The following CDH2 variants were observed in gnomAD, a reference collection of about 807,000 sequenced individuals.
The protein encoded by CDH2 is cadherin 2.
Under a neutral mutation model 92.0 loss-of-function variants are expected in CDH2, and 17 were observed. That is an observed-to-expected ratio of 0.18 (90% CI 0.13 to 0.28). The LOEUF is 0.28. CDH2 is among the 10% of genes least tolerant of loss of function. The pLI is 1.00. For synonymous variants in CDH2, 419 were observed against 415.9 expected (o/e 1.01, Z -0.09); for missense variants, 862 against 1,133.1 (o/e 0.76, Z 3.44).
At chr18:27,973,634 C>G (rs958670947) in intron 14 of CDH2, among the ~76,000 whole-genome samples, 1 of 152,164 alleles carries the variant, frequency 6.6e-6, no homozygotes, top group African/African-American at 2.4e-5. Flanking sequence ...CATACAATCT[C>G]CAAAAACATT....
chr18:28,089,669 T>C (rs1017473266), intron 2 of CDH2, among the ~76,000 whole-genome samples: 1 of 152,228 alleles, frequency 6.6e-6, no homozygotes, highest in Non-Finnish European at 1.5e-5. Context: ...ATATCTAATT[T>C]ATGCATTTCC....
At chr18:28,059,738 A>T (rs2014363322) in intron 2 of CDH2, among the ~76,000 whole-genome samples, 2 of 152,222 alleles carry the variant, frequency 1.3e-5, no homozygotes, top group Non-Finnish European at 2.9e-5. Context: ...ATATGCAAGC[A>T]TATTTATGTA....
At chr18:28,009,522 C>T (rs1371877721) in intron 5 of CDH2, among the ~76,000 whole-genome samples, 195 bp downstream of exon 5, 1 of 152,102 alleles carries the variant, frequency 6.6e-6, no homozygotes, top group Non-Finnish European at 1.5e-5. Flanking sequence ...GTTGTGGGCA[C>T]TATTTGTTTT....
At chr18:28,139,765 A>G (rs1167585996) in intron 2 of CDH2, among the ~76,000 whole-genome samples, 9 of 151,946 alleles carry the variant, frequency 5.9e-5, no homozygotes, top group African/African-American at 2.2e-4. Flanking sequence ...CAAAGGCTTG[A>G]TATTTAAACT....
intron 6 of CDH2, among the ~76,000 whole-genome samples, chr18:27,937,975 A>G (rs550207236): frequency 2.6e-5 from 4 of 152,222 alleles, no homozygotes; most frequent in African/African-American, 7.2e-5. Context: ...GTAATTTCCA[A>G]TGCTGCAGGT....
At chr18:28,110,431 G>A (rs979033109) in intron 2 of CDH2, among the ~76,000 whole-genome samples, 1 of 152,104 alleles carries the variant, frequency 6.6e-6, no homozygotes, top group Non-Finnish European at 1.5e-5. Context: ...AGGAAAAAGG[G>A]AGTAATGCAG....
In CDH2 at chr18:28,083,867, T is replaced by C. The variant is rs1314734057; in HGVS notation, c.172+63806A>G. On this transcript the variant is annotated intron_variant, in intron 2 of 15. Coordinates refer to ENST00000269141, the MANE Select transcript of CDH2 (RefSeq NM_001792.5). ...TATTTTGAGAAAACACTATGGTGGC[T>C]TGTGAGCAACTCCTCACATTCACAT... 2.6e-5 allele frequency among the ~76,000 whole-genome samples: 4 copies of C among 152,184 alleles called. No individual in the cohort carries two copies. The East Asian group carries it at 5.8e-4, about 22-fold the overall frequency.
intron 1 of CDH2, among the ~76,000 whole-genome samples, chr18:28,151,442 C>A (rs1016287817): frequency 6.6e-6 from 1 of 152,162 alleles, no homozygotes; most frequent in Admixed American, 6.5e-5. Context: ...CACAGCATCC[C>A]TAACAAAGGA....
rs557552245 is a variant in CDH2 at position 27,972,726 on chromosome 18, T to C, written c.2350-9205A>G. ...GCCCACAGCAGTTCAACTAACATTC[T>C]ATGAGTGTTGCCAGGTGCCAACTGT... is the stretch of plus-strand genomic sequence containing the variant. On this transcript the variant is annotated intron_variant, in intron 14 of 15. Transcript: ENST00000269141. Among the ~76,000 whole-genome samples the C allele has an allele frequency of 2.6e-5, 4 of 152,302 alleles. No homozygotes were observed. The East Asian group carries it at 7.7e-4, about 29-fold the overall frequency.
At chr18:28,161,561 C>T (rs927911734) in intron 1 of CDH2, among the ~76,000 whole-genome samples, 11 of 133,366 alleles carry the variant, frequency 8.2e-5, no homozygotes, top group Non-Finnish European at 1.7e-4. Context: ...GCCTGGGTGA[C>T]AGAGTGAAAC....
At chr18:27,938,038 A>T (rs562633790) in intron 6 of CDH2, among the ~76,000 whole-genome samples, 2 of 152,032 alleles carry the variant, frequency 1.3e-5, no homozygotes, top group African/African-American at 2.4e-5. Context: ...ATGGCTTAAC[A>T]TCACCTCCCT....
intron 1 of CDH2, among the ~76,000 whole-genome samples, chr18:28,176,626 A>T (rs1221386735): frequency 6.6e-6 from 1 of 152,010 alleles, no homozygotes; most frequent in East Asian, 1.9e-4. Flanking sequence ...AAAACTGCAA[A>T]ACCTGGGAGT....
intron 1 of CDH2, among the ~76,000 whole-genome samples, chr18:28,152,588 A>C (rs2144336245): frequency 6.6e-6 from 1 of 152,282 alleles, no homozygotes; most frequent in African/African-American, 2.4e-5. Context: ...AATAACAATG[A>C]GTTCAGTGTC....
intron 14 of CDH2, among the ~76,000 whole-genome samples, chr18:27,980,792 G>T (rs2012022045): frequency 7.7e-6 from 1 of 129,986 alleles, no homozygotes. Context: ...TTTGGCTGGG[G>T]TCAAAAAAAA....
chr18:28,046,355 T>A (rs1241682634), intron 2 of CDH2, among the ~76,000 whole-genome samples: 2 of 152,178 alleles, frequency 1.3e-5, no homozygotes, highest in East Asian at 3.8e-4. Context: ...ATTGGAAGAA[T>A]ATTTTAACAA....
intron 2 of CDH2, among the ~76,000 whole-genome samples, chr18:28,115,789 G>A (rs1249972730): frequency 6.6e-6 from 1 of 151,962 alleles, no homozygotes; most frequent in Admixed American, 6.6e-5. Flanking sequence ...TGGAATATCC[G>A]CACTCTACTT....
chr18:28,092,657 G>A (rs1450147223), intron 2 of CDH2, among the ~76,000 whole-genome samples: 8 of 151,794 alleles, frequency 5.3e-5, no homozygotes, highest in Admixed American at 1.3e-4. Flanking sequence ...TATTTTGTAC[G>A]GCAAAATCTT....
At chr18:28,102,353 G>A (rs139676765) in intron 2 of CDH2, among the ~76,000 whole-genome samples, 9 of 152,104 alleles carry the variant, frequency 5.9e-5, no homozygotes, top group African/African-American at 2.2e-4. Flanking sequence ...CAAGCACAGT[G>A]AGGGTATTCT....
At chr18:27,979,118 C>T (rs1252445322) in intron 14 of CDH2, among the ~76,000 whole-genome samples, 2 of 152,048 alleles carry the variant, frequency 1.3e-5, no homozygotes, top group Non-Finnish European at 2.9e-5. Context: ...ATTTATCTAA[C>T]AAGGAACACA....
Sources: allele counts gnomAD v4.1 joint callset (sites outside exome capture counted in the v4.1 genomes callset), GRCh38; gene constraint gnomAD v4.1.1; transcripts MANE v1.5; gene names NCBI Gene and HGNC (gene_info 2026-07-23, HGNC 2026-07-21).